Variants in MKLN1 observed in about 807,000 individuals in gnomAD.
MKLN1 encodes the protein muskelin.
Under a neutral mutation model 99.0 loss-of-function variants are expected in MKLN1, and 18 were observed. That is an observed-to-expected ratio of 0.18 (90% confidence interval 0.13 to 0.27). MKLN1 has a LOEUF of 0.27. Among genes scored for constraint, MKLN1 ranks in the 10% least tolerant of loss-of-function variants. MKLN1 has a pLI of 1.00. For missense variants in MKLN1, 621 were observed against 875.9 expected (o/e 0.71, Z 3.67); for synonymous variants, 288 against 293.2 (o/e 0.98, Z 0.18).
At position 131,208,013 on chromosome 7, in the gene MKLN1, G is replaced by A. The variant is rs143220987; in HGVS notation, c.-179+5039G>A. Among the ~76,000 whole-genome samples, 111 of 152,284 alleles carry A rather than the reference G, an allele frequency of 7.3e-4. 3 individuals are homozygous for A. The South Asian group carries it at 0.022, about 30-fold the overall frequency. On this transcript the variant is annotated intron_variant, in intron 3 of 7. Coordinates refer to the MKLN1 transcript ENST00000416992. Reference sequence around the variant, plus strand: ...AAGTCCTGGCCAAAAATGGAGGGAGGGGGGAGATTTCCCAGATGTTTCTTT... The same window carrying A: ...AAGTCCTGGCCAAAAATGGAGGGAGAGGGGAGATTTCCCAGATGTTTCTTT...
At chr7:131,479,804 G>A (rs995214406) in intron 17 of MKLN1, among the ~76,000 whole-genome samples, 17 of 151,472 alleles carry the variant, frequency 1.1e-4, no homozygotes, top group African/African-American at 3.6e-4. Flanking sequence ...TCCAGCCTGG[G>A]CGACAGAGTG....
chr7:131,448,407 G>A (rs1413597122), intron 12 of MKLN1, among the ~76,000 whole-genome samples: 1 of 152,122 alleles, frequency 6.6e-6, no homozygotes, highest in East Asian at 1.9e-4. Context: ...TAGCTTTAGA[G>A]CAGTGTGGCA....
chr7:131,110,897 C>T (rs1795185727), intron 1 of MKLN1, among the ~76,000 whole-genome samples: 1 of 152,218 alleles, frequency 6.6e-6, no homozygotes, highest in Non-Finnish European at 1.5e-5. Flanking sequence ...CATTGCAATA[C>T]TACTCACTTT....
At chr7:131,352,310 T>C (rs1428620110) in intron 1 of MKLN1, among the ~76,000 whole-genome samples, 1 of 152,194 alleles carries the variant, frequency 6.6e-6, no homozygotes, top group East Asian at 1.9e-4. Flanking sequence ...AATGACTTTA[T>C]ATAACATGCT....
In MKLN1 at chr7:131,192,217, A is replaced by G. The variant is rs1563247520; in HGVS notation, c.-296-10640A>G. Among the ~76,000 whole-genome samples, 3 of 66,826 alleles carry G rather than the reference A, an allele frequency of 4.5e-5. 1 individual carries two copies. Among genetic ancestry groups the G allele is most frequent in the African/African-American group, 2.2e-4 (3 of 13,724 alleles). 43.8% of individuals were successfully genotyped at this position (66,826 alleles called of 152,430 possible). A position where few individuals can be genotyped will look rare whatever the true frequency, so the allele number is the denominator to read the frequency against. On this transcript the variant is annotated intron_variant, in intron 2 of 7. Coordinates refer to the MKLN1 transcript ENST00000416992. ...TATAATATATACAATATATAAATATATAAAATATATACAATATATAAATAT... is the reference window on the plus strand; with the variant it reads ...TATAATATATACAATATATAAATATGTAAAATATATACAATATATAAATAT...
At chr7:131,160,601 C>G (rs1347969844) in intron 2 of MKLN1, among the ~76,000 whole-genome samples, 2 of 149,986 alleles carry the variant, frequency 1.3e-5, no homozygotes, top group Non-Finnish European at 3.0e-5. Context: ...TTACTGCAAC[C>G]TCTGCCTCCC....
chr7:131,327,682 T>C, upstream of MKLN1: 1 of 732,240 alleles, frequency 1.4e-6, no homozygotes, highest in Non-Finnish European at 2.1e-6. Context: ...TGGAAAGCGC[T>C]TACACCTCAG....
At chr7:131,300,816 A>G (rs1798367476) in intron 3 of MKLN1, among the ~76,000 whole-genome samples, 1 of 152,084 alleles carries the variant, frequency 6.6e-6, no homozygotes, top group Admixed American at 6.6e-5. Flanking sequence ...ATAACTCTGT[A>G]GGTATTCAAA....
At chr7:131,362,464 C>T (rs1800058471) in intron 1 of MKLN1, among the ~76,000 whole-genome samples, 1 of 152,018 alleles carries the variant, frequency 6.6e-6, no homozygotes, top group Non-Finnish European at 1.5e-5. Context: ...AAAAAGTCTT[C>T]AAAGTCTGCA....
chr7:131,212,985 G>T (rs1173801892), intron 3 of MKLN1, among the ~76,000 whole-genome samples: 2 of 151,144 alleles, frequency 1.3e-5, no homozygotes, highest in African/African-American at 4.9e-5. Context: ...CTTGATTTAG[G>T]GTTTGTTTGT....
intron 8 of MKLN1, among the ~76,000 whole-genome samples, chr7:131,428,454 T>A (rs1332415697): frequency 3.3e-5 from 5 of 152,218 alleles, no homozygotes; most frequent in Non-Finnish European, 7.3e-5. Context: ...GATATCTAAT[T>A]TTAACTTAAA....
intron 3 of MKLN1, among the ~76,000 whole-genome samples, chr7:131,304,740 A>C (rs1381693342): frequency 6.6e-6 from 1 of 152,176 alleles, no homozygotes; most frequent in Non-Finnish European, 1.5e-5. Context: ...GTTTTAACCA[A>C]TCACATAGAG....
chr7:131,351,358 A>G (rs1275127914), intron 1 of MKLN1, among the ~76,000 whole-genome samples: 1 of 152,182 alleles, frequency 6.6e-6, no homozygotes, highest in Non-Finnish European at 1.5e-5. Flanking sequence ...AAGCTCCCCT[A>G]TTCTAGATAT....
chr7:131,260,633 C>A (rs1193287959), intron 3 of MKLN1, among the ~76,000 whole-genome samples: 1 of 152,112 alleles, frequency 6.6e-6, no homozygotes, highest in Admixed American at 6.6e-5. Context: ...CAAAAAAGAG[C>A]TTGAATAGCC....
intron 3 of MKLN1, among the ~76,000 whole-genome samples, chr7:131,312,057 T>C (rs1798576722): frequency 6.6e-6 from 1 of 152,102 alleles, no homozygotes; most frequent in South Asian, 2.1e-4. Context: ...AGTCTCACTC[T>C]TGTTACCCAG....
chr7:131,244,014 A>G (rs1044332680), intron 3 of MKLN1, among the ~76,000 whole-genome samples: 8 of 152,174 alleles, frequency 5.3e-5, no homozygotes, highest in Admixed American at 1.3e-4. Flanking sequence ...CCCTGTCTCA[A>G]AAAAACAAAC....
At chr7:131,237,556 C>T (rs1185527018) in intron 3 of MKLN1, among the ~76,000 whole-genome samples, 1 of 152,116 alleles carries the variant, frequency 6.6e-6, no homozygotes. Context: ...GGTGATATGG[C>T]CACCTCAGAG....
At chr7:131,321,031 C>T (rs1349858986) in intron 3 of MKLN1, among the ~76,000 whole-genome samples, 1 of 152,194 alleles carries the variant, frequency 6.6e-6, no homozygotes, top group East Asian at 1.9e-4. Context: ...GGTGATTCCT[C>T]AAGCATCTAG....
intron 7 of MKLN1, among the ~76,000 whole-genome samples, chr7:131,411,905 T>TA (rs1563335038): frequency 3.2e-3 from 61 of 19,116 alleles, no homozygotes; most frequent in African/African-American, 0.012. Flanking sequence ...AGATTCCATC[T>TA]CAAAAAAAAA....
Sources: allele counts gnomAD v4.1 joint callset (sites outside exome capture counted in the v4.1 genomes callset), GRCh38; gene constraint gnomAD v4.1.1; transcripts MANE v1.5; gene names NCBI Gene and HGNC (gene_info 2026-07-23, HGNC 2026-07-21).